Variants in DOK6 observed in about 807,000 individuals in gnomAD.
The protein encoded by DOK6 is docking protein 6.
DOK6 carries 22 observed loss-of-function variants against 44.0 expected under a neutral mutation model. The ratio of observed to expected loss-of-function variants is 0.50; its 90% CI spans 0.36 to 0.71. The LOEUF is 0.71. Ranked by LOEUF, DOK6 falls within the 30% of genes least tolerant of loss-of-function variation. DOK6 has a pLI of 0.00. For synonymous variants in DOK6, 166 were observed against 145.5 expected, an observed-to-expected ratio of 1.14 and a Z score of -1.01; for missense variants, 340 against 416.4, an observed-to-expected ratio of 0.82 and a Z score of 1.60.
At chr18:69,721,578 G>A (rs1257299722) in intron 5 of DOK6, among the ~76,000 whole-genome samples, 1 of 152,070 alleles carries the variant, frequency 6.6e-6, no homozygotes, top group Non-Finnish European at 1.5e-5. Context: ...ACACATTCAG[G>A]TGCATTCTTT....
intron 5 of DOK6, among the ~76,000 whole-genome samples, chr18:69,723,883 T>C (rs1282884950): frequency 6.6e-6 from 1 of 152,182 alleles, no homozygotes; most frequent in African/African-American, 2.4e-5. Flanking sequence ...CTCAGTGTGT[T>C]TCCCCAGGAT....
intron 1 of DOK6, chr18:69,469,429 G>A (rs1283811899): frequency 1.4e-5 from 2 of 139,680 alleles, no homozygotes; most frequent in Non-Finnish European, 3.0e-5. Flanking sequence ...AATTCATATA[G>A]ATGATAATTA....
intron 1 of DOK6, among the ~76,000 whole-genome samples, chr18:69,491,464 C>A (rs577272431): frequency 6.6e-6 from 1 of 152,110 alleles, no homozygotes; most frequent in Non-Finnish European, 1.5e-5. Flanking sequence ...TTCCTTCTAG[C>A]GAACATAGTT....
intron 2 of DOK6, among the ~76,000 whole-genome samples, chr18:69,586,532 G>A (rs1399175400): frequency 6.6e-6 from 1 of 152,184 alleles, no homozygotes; most frequent in Non-Finnish European, 1.5e-5. Flanking sequence ...CATTCCCTCT[G>A]AAAAATTCAG....
rs542177502 is a variant in DOK6 at position 69,602,243 on chromosome 18, A to C, written c.289+2745A>C. On this transcript the variant is annotated intron_variant, in intron 3 of 7. Coordinates refer to ENST00000382713, the MANE Select transcript of DOK6 (RefSeq NM_152721.6). ...AGCCAGGTGACCAAGGTGAAGATCA[A>C]CAATGATAAATCATGTTGATAGACT... 2.0e-5 allele frequency among the ~76,000 whole-genome samples: 3 copies of C among 152,308 alleles called. No individual in the cohort carries two copies. In the East Asian group the frequency reaches 5.8e-4, roughly 29 times the overall value.
chr18:69,780,360 G>A (rs767093572), intron 7 of DOK6, among the ~76,000 whole-genome samples: 1 of 152,178 alleles, frequency 6.6e-6, no homozygotes, highest in Non-Finnish European at 1.5e-5. Flanking sequence ...GGGAGGTTGA[G>A]GTGGGAAGAT....
intron 2 of DOK6, among the ~76,000 whole-genome samples, chr18:69,597,426 T>C (rs1983769185): frequency 6.6e-6 from 1 of 152,214 alleles, no homozygotes; most frequent in African/African-American, 2.4e-5. Flanking sequence ...TGTTGCTCTT[T>C]AAAGATATCT....
chr18:69,477,256 G>C (rs548511264), intron 1 of DOK6, among the ~76,000 whole-genome samples: 1 of 152,262 alleles, frequency 6.6e-6, no homozygotes, highest in East Asian at 1.9e-4. Context: ...AGCAGGTTTC[G>C]AGATCCGTTC....
intron 3 of DOK6, among the ~76,000 whole-genome samples, chr18:69,605,076 T>TTG (rs71176987): frequency 0.21 from 26,874 of 125,524 alleles, 2,673 homozygotes; most frequent in East Asian, 0.25. Context: ...AGAGATCCCT[T>TTG]TGTGTGTGTG....
intron 3 of DOK6, among the ~76,000 whole-genome samples, chr18:69,616,592 T>A (rs1307862339): frequency 1.3e-5 from 2 of 152,030 alleles, no homozygotes; most frequent in African/African-American, 4.8e-5. Context: ...ACTACTTTTT[T>A]AAAAACGTTT....
intron 5 of DOK6, among the ~76,000 whole-genome samples, chr18:69,711,537 A>G (rs564268911): frequency 2.0e-5 from 3 of 152,340 alleles, no homozygotes; most frequent in South Asian, 4.1e-4. Flanking sequence ...TTGGATTACA[A>G]TTAGTATACA....
chr18:69,487,665 G>T (rs2144536719), intron 1 of DOK6, among the ~76,000 whole-genome samples: 1 of 152,308 alleles, frequency 6.6e-6, no homozygotes, highest in South Asian at 2.1e-4. Flanking sequence ...TCAGGAAAGA[G>T]GCCCTGAGAA....
At chr18:69,748,467 AT>A (rs1979062207) in intron 6 of DOK6, among the ~76,000 whole-genome samples, 3 of 152,174 alleles carry the variant, frequency 2.0e-5, no homozygotes. Context: ...TTATCCCATA[AT>A]TGGAAGTAAA....
chr18:69,594,275 T>C (rs1008573058), intron 2 of DOK6, among the ~76,000 whole-genome samples: 1 of 151,644 alleles, frequency 6.6e-6, no homozygotes, highest in African/African-American at 2.4e-5. Flanking sequence ...TGTACACACA[T>C]ACACACACAT....
intron 3 of DOK6, among the ~76,000 whole-genome samples, chr18:69,668,944 C>T (rs535244316): frequency 3.2e-4 from 48 of 152,212 alleles, no homozygotes; most frequent in South Asian, 2.9e-3. Flanking sequence ...TTTAATAAGG[C>T]CCAGGAAGTA....
chr18:69,437,748 T>C (rs1008355812), intron 1 of DOK6, among the ~76,000 whole-genome samples: 5 of 152,170 alleles, frequency 3.3e-5, no homozygotes, highest in Non-Finnish European at 5.9e-5. Flanking sequence ...AAAGGAATTA[T>C]CTGGATTTTA....
chr18:69,599,315 T>C, intron 2 of DOK6, 69 bp from the exon 3 acceptor site: 1 of 1,075,720 alleles, frequency 9.3e-7, no homozygotes, highest in Non-Finnish European at 1.3e-6. Flanking sequence ...TAACTTATCA[T>C]TTTGTTTCAG....
chr18:69,603,742 G>A (rs1219372751), intron 3 of DOK6, among the ~76,000 whole-genome samples: 2 of 122,040 alleles, frequency 1.6e-5, no homozygotes, highest in Middle Eastern at 0.01. Context: ...CTGCACTCCA[G>A]CCTGGGCGAC....
intron 1 of DOK6, among the ~76,000 whole-genome samples, chr18:69,489,985 A>G (rs1757298930): frequency 6.6e-6 from 1 of 152,098 alleles, no homozygotes; most frequent in Non-Finnish European, 1.5e-5. Context: ...ATTCTGCCGT[A>G]TTCACTGCAA....
Sources: allele counts gnomAD v4.1 joint callset (sites outside exome capture counted in the v4.1 genomes callset), GRCh38; gene constraint gnomAD v4.1.1; transcripts MANE v1.5; gene names NCBI Gene and HGNC (gene_info 2026-07-23, HGNC 2026-07-21).